The following ATP13A3 variants were observed in gnomAD, a reference collection of about 807,000 sequenced individuals.
ATP13A3 encodes polyamine-transporting ATPase 13A3.
Under a neutral mutation model 158.1 loss-of-function variants are expected in ATP13A3, and 59 were observed. That is an observed-to-expected ratio of 0.37 (90% CI 0.30 to 0.46). The LOEUF is 0.46. Ranked by LOEUF, ATP13A3 falls within the 20% of genes least tolerant of loss-of-function variation. ATP13A3 has a pLI of 1.00. For synonymous variants in ATP13A3, 491 were observed against 504.3 expected (o/e 0.97, Z 0.35); for missense variants, 1,166 against 1,525.2 (o/e 0.76, Z 3.92).
At chr3:194,476,702 G>A (rs1720537577) in intron 2 of ATP13A3, among the ~76,000 whole-genome samples, 1 of 151,452 alleles carries the variant, frequency 6.6e-6, no homozygotes, top group African/African-American at 2.4e-5. Context: ...AACTTCAGTA[G>A]CTTCCCGTTG....
chr3:194,482,801 C>T (rs1370745620), intron 2 of ATP13A3, among the ~76,000 whole-genome samples: 2 of 151,828 alleles, frequency 1.3e-5, no homozygotes, highest in Non-Finnish European at 2.9e-5. Flanking sequence ...AACCGAGATA[C>T]TCATCTCTAC....
At chr3:194,422,271 G>A (rs1716445353) in intron 30 of ATP13A3, among the ~76,000 whole-genome samples, 1 of 152,150 alleles carries the variant, frequency 6.6e-6, no homozygotes, top group Non-Finnish European at 1.5e-5. Context: ...ACTTTAGAGA[G>A]GTATGAATTT....
rs1716876439 is a variant in ATP13A3, at chr3:194,427,539, T to A, written c.2948-287A>T. Among the ~76,000 whole-genome samples the A allele has an allele frequency of 2.0e-5, 3 of 151,814 alleles. No homozygotes were observed. The South Asian group carries it at 6.2e-4, about 32-fold the overall frequency. On this transcript the variant is annotated intron_variant, in intron 28 of 33. Coordinates refer to ENST00000645319, the MANE Select transcript of ATP13A3 (RefSeq NM_001367549.1). ...CTAGGCCAGGCACGGTGGCTCACAC[T>A]TGGAATCCCAGCAATTTGGGAGGCC...
In ATP13A3 at chr3:194,437,402, A is replaced by G; in HGVS notation, c.1908T>C (p.Ser636=). The G allele has an allele frequency of 1.2e-6, 2 of 1,614,032 alleles. No homozygotes were observed. Among genetic ancestry groups the G allele is most frequent in the East Asian group, 2.2e-5 (1 of 44,862 alleles). ...FPFSSALQRM[S]VVARVLGDRK... ...TATCCCCCAGCACCCTGGCAACCAC[A>G]CTCATACGTTGCAAAGCAGAAGAAA... Residue 636 remains serine, a synonymous_variant, in exon 19 of 34, where the codon AGT becomes AGC. Transcript: ENST00000645319.
chr3:194,424,877 T>C lies in ATP13A3; in HGVS notation c.3313+465A>G, dbSNP rs1168761809. On this transcript the variant is annotated intron_variant, in intron 30 of 33. Transcript: ENST00000645319. ...ACACAGGCCACACCAGCGTCGGAAA[T>C]GAAGAAGATGGCAGATGCTGCGCAG... Among the ~76,000 whole-genome samples, 5 of 152,234 alleles carry C rather than the reference T, an allele frequency of 3.3e-5. No homozygotes were observed. The South Asian group carries it at 8.3e-4, about 25-fold the overall frequency.
At chr3:194,445,440 T>C (rs987606696) in intron 14 of ATP13A3, among the ~76,000 whole-genome samples, 16 of 152,340 alleles carry the variant, frequency 1.1e-4, no homozygotes, top group Middle Eastern at 3.4e-3. Context: ...TCTAGACACA[T>C]ACTAAGGTAG....
chr3:194,439,379 T>C (rs925259941), intron 16 of ATP13A3, among the ~76,000 whole-genome samples: 8 of 152,200 alleles, frequency 5.3e-5, no homozygotes, highest in Non-Finnish European at 1.0e-4. Context: ...CAAAAGTACA[T>C]AGAGCTCAGA....
intron 29 of ATP13A3, among the ~76,000 whole-genome samples, chr3:194,426,746 T>C (rs1395796589): frequency 1.3e-5 from 2 of 152,164 alleles, no homozygotes; most frequent in African/African-American, 4.8e-5. Context: ...CTGCAACCTC[T>C]GCCTCCCAGG....
At chr3:194,413,888 A>C in intron 31 of ATP13A3, 49 bp from the exon 32 acceptor site, 1 of 1,439,582 alleles carries the variant, frequency 6.9e-7, no homozygotes, top group Non-Finnish European at 9.8e-7. Context: ...TGTAGTCAAT[A>C]TTATAGCACT....
intron 33 of ATP13A3, among the ~76,000 whole-genome samples, chr3:194,411,459 G>A (rs1715421737): frequency 6.6e-6 from 1 of 152,130 alleles, no homozygotes; most frequent in South Asian, 2.1e-4. Context: ...TGATTCATAG[G>A]ATGGGTTTAA....
intron 31 of ATP13A3, among the ~76,000 whole-genome samples, chr3:194,414,921 T>C (rs78623113): frequency 0.14 from 20,987 of 152,194 alleles, 2,087 homozygotes; most frequent in African/African-American, 0.27. Context: ...GCTCAGGGTA[T>C]AAAGGTTGGG....
At chr3:194,438,292 T>C (rs1316903062) in intron 17 of ATP13A3, among the ~76,000 whole-genome samples, 2 of 152,146 alleles carry the variant, frequency 1.3e-5, no homozygotes, top group South Asian at 4.1e-4. Flanking sequence ...TTCTTGGATA[T>C]GTAATACTTA....
chr3:194,422,265 T>C (rs904553712), intron 30 of ATP13A3, among the ~76,000 whole-genome samples: 2 of 152,236 alleles, frequency 1.3e-5, no homozygotes, highest in South Asian at 4.1e-4. Flanking sequence ...GTATTCACTT[T>C]AGAGAGGTAT....
At chr3:194,483,199 G>A (rs1720824796) in intron 2 of ATP13A3, among the ~76,000 whole-genome samples, 4 of 151,814 alleles carry the variant, frequency 2.6e-5, no homozygotes, top group African/African-American at 7.3e-5. Flanking sequence ...CAGGAAGGTC[G>A]CCTGAGCCCA....
Position 194,481,290 on chromosome 3 carries a change from A to G in ATP13A3, c.-47+4504T>C, listed in dbSNP as rs186116361. Among the ~76,000 whole-genome samples, 419 of 152,202 alleles carry G rather than the reference A, an allele frequency of 2.8e-3. 1 individual carries two copies. The highest frequency in any genetic ancestry group is 0.021 in the Middle Eastern group (6 of 292). On this transcript the variant is annotated intron_variant, in intron 2 of 33. Transcript: ENST00000645319. ...CACCCTTAGACACATATGTGGGAGC[A>G]ATTCCATGACTCATTTTAAACAAAC...
intron 2 of ATP13A3, among the ~76,000 whole-genome samples, chr3:194,470,358 C>T (rs1267562057): frequency 6.6e-6 from 1 of 152,044 alleles, no homozygotes; most frequent in East Asian, 1.9e-4. Flanking sequence ...AACATAATTA[C>T]CTGTATTAGG....
intron 20 of ATP13A3, among the ~76,000 whole-genome samples, chr3:194,434,863 G>GT (rs1389736016): frequency 6.6e-6 from 1 of 152,200 alleles, no homozygotes; most frequent in Non-Finnish European, 1.5e-5. Flanking sequence ...CAAGTCTGCA[G>GT]TGAGAAGTGT....
chr3:194,479,166 C>T (rs1229232817), intron 2 of ATP13A3, among the ~76,000 whole-genome samples: 1 of 152,132 alleles, frequency 6.6e-6, no homozygotes, highest in Non-Finnish European at 1.5e-5. Context: ...TTCTCTTCAT[C>T]AAACACTGAA....
At chr3:194,410,060 A>G (rs9831384) in intron 33 of ATP13A3, among the ~76,000 whole-genome samples, 28,850 of 151,696 alleles carry the variant, frequency 0.19, 4,607 homozygotes, top group African/African-American at 0.43. Flanking sequence ...GATGATTCTC[A>G]GAATCAGTTG....
Sources: allele counts gnomAD v4.1 joint callset (sites outside exome capture counted in the v4.1 genomes callset), GRCh38; gene constraint gnomAD v4.1.1; transcripts MANE v1.5; gene names NCBI Gene and HGNC (gene_info 2026-07-23, HGNC 2026-07-21).